The following PBX3 variants were observed in gnomAD, a reference collection of about 807,000 sequenced individuals.
PBX3 encodes the protein PBX homeobox 3, also known as pre-B-cell leukemia transcription factor 3.
In PBX3, 14 loss-of-function variants were observed where a neutral mutation model predicts 48.5. The ratio of observed to expected loss-of-function variants is 0.29; its 90% confidence interval spans 0.19 to 0.45. PBX3 has a LOEUF of 0.45. Ranked by LOEUF, PBX3 falls within the 20% of genes least tolerant of loss-of-function variation. PBX3 has a pLI of 1.00. For missense variants in PBX3, 386 were observed against 546.7 expected (o/e 0.71, Z 2.93); for synonymous variants, 210 against 200.3 (o/e 1.05, Z -0.41).
At chr9:125,786,983 G>T (rs915764526) in intron 2 of PBX3, among the ~76,000 whole-genome samples, 1 of 151,382 alleles carries the variant, frequency 6.6e-6, no homozygotes, top group Non-Finnish European at 1.5e-5. Flanking sequence ...CCTCGGCCTC[G>T]CAAAGTGCTG....
At chr9:125,897,487 C>G (rs1840802191) in intron 2 of PBX3, among the ~76,000 whole-genome samples, 1 of 151,694 alleles carries the variant, frequency 6.6e-6, no homozygotes, top group South Asian at 2.1e-4. Flanking sequence ...AAAATTATCA[C>G]TATTATCTCA....
intron 3 of PBX3, among the ~76,000 whole-genome samples, chr9:125,925,146 TC>T (rs1841544906): frequency 6.6e-6 from 1 of 152,232 alleles, no homozygotes; most frequent in Admixed American, 6.5e-5. Flanking sequence ...TCAAGGACAT[TC>T]CTAAGTCAAA....
intron 2 of PBX3, among the ~76,000 whole-genome samples, chr9:125,803,357 G>A (rs1838025889): frequency 6.6e-6 from 1 of 151,662 alleles, no homozygotes; most frequent in Non-Finnish European, 1.5e-5. Flanking sequence ...CAAAGTGCTG[G>A]GATTACAGGC....
chr9:125,827,400 G>T (rs1838838310), intron 2 of PBX3, among the ~76,000 whole-genome samples: 1 of 152,018 alleles, frequency 6.6e-6, no homozygotes, highest in African/African-American at 2.4e-5. Flanking sequence ...CATCCGTTCA[G>T]CTCACTAACT....
intron 2 of PBX3, among the ~76,000 whole-genome samples, chr9:125,888,736 CTG>C (rs1325461982): frequency 2.0e-5 from 3 of 151,984 alleles, no homozygotes; most frequent in Non-Finnish European, 4.4e-5. Context: ...ATTCTAGTAA[CTG>C]TTTATATTTG....
intron 2 of PBX3, among the ~76,000 whole-genome samples, chr9:125,769,857 A>G (rs117484755): frequency 0.015 from 2,303 of 152,310 alleles, 27 homozygotes; most frequent in South Asian, 0.038. Context: ...TATTCAGTTT[A>G]ATATTCTGAT....
intron 2 of PBX3, among the ~76,000 whole-genome samples, chr9:125,760,319 T>G (rs1023376507): frequency 6.6e-6 from 1 of 152,198 alleles, no homozygotes; most frequent in African/African-American, 2.4e-5. Context: ...TGCTTTTTAA[T>G]GATTTAACTC....
chr9:125,844,567 T>G (rs1008566259), intron 2 of PBX3: 2 of 152,092 alleles, frequency 1.3e-5, no homozygotes, highest in African/African-American at 4.8e-5. Context: ...TTTACATAGT[T>G]TTAAGCAGTA....
At chr9:125,936,485 A>G (rs1411354) in intron 5 of PBX3, among the ~76,000 whole-genome samples, 86,608 of 152,060 alleles carry the variant, frequency 0.57, 27,419 homozygotes, top group Middle Eastern at 0.73. Flanking sequence ...TTCAGTGTTC[A>G]CTAGGGGTCA....
At chr9:125,802,701 CAG>C (rs1837995041) in intron 2 of PBX3, among the ~76,000 whole-genome samples, 1 of 149,962 alleles carries the variant, frequency 6.7e-6, no homozygotes, top group East Asian at 2.0e-4. Flanking sequence ...TTTTTTGAGA[CAG>C]AGTCTCTCTC....
chr9:125,948,292 TTC>T (rs1842108672), intron 5 of PBX3, among the ~76,000 whole-genome samples: 1 of 152,206 alleles, frequency 6.6e-6, no homozygotes, highest in Non-Finnish European at 1.5e-5. Flanking sequence ...AGAATACACA[TTC>T]TAATTTTAAG....
chr9:125,851,330 C>T (rs1294251345), intron 2 of PBX3, among the ~76,000 whole-genome samples: 1 of 151,970 alleles, frequency 6.6e-6, no homozygotes, highest in Non-Finnish European at 1.5e-5. Context: ...TCTAAATCAA[C>T]ATTATATCTT....
At chr9:125,771,697 A>C (rs528845771) in intron 2 of PBX3, among the ~76,000 whole-genome samples, 9 of 152,310 alleles carry the variant, frequency 5.9e-5, no homozygotes, top group African/African-American at 1.9e-4. Flanking sequence ...AATATCTAGT[A>C]TAATGCCTGG....
At position 125,965,924 on chromosome 9, in the gene PBX3, T is replaced by C; in HGVS notation, c.*1T>C. The C allele has an allele frequency of 1.2e-6, 2 of 1,609,832 alleles. No homozygotes were observed. Among genetic ancestry groups the C allele is most frequent in the African/African-American group, 1.3e-5 (1 of 74,940 alleles). ...TGTGCACTCGGATACCTCTAACTAATCTCTGGCCACACTTTTCCCTGAGCT... is the reference window on the plus strand; with the variant it reads ...TGTGCACTCGGATACCTCTAACTAACCTCTGGCCACACTTTTCCCTGAGCT... On this transcript the variant is annotated 3_prime_UTR_variant, in exon 9 of 9. Transcript: ENST00000373489.
chr9:125,822,955 A>G (rs1470709377), intron 2 of PBX3, among the ~76,000 whole-genome samples: 1 of 150,092 alleles, frequency 6.7e-6, no homozygotes, highest in Non-Finnish European at 1.5e-5. Context: ...GGGGTTTTTT[A>G]GTTTTTTTGT....
At chr9:125,808,535 A>C (rs1838195641) in intron 2 of PBX3, among the ~76,000 whole-genome samples, 1 of 152,090 alleles carries the variant, frequency 6.6e-6, no homozygotes, top group Admixed American at 6.5e-5. Context: ...GTGTGGTGGC[A>C]TGCGTTGGTG....
intron 4 of PBX3, among the ~76,000 whole-genome samples, chr9:125,930,297 G>C (rs1841685120): frequency 1.3e-5 from 2 of 152,178 alleles, no homozygotes; most frequent in Non-Finnish European, 2.9e-5. Context: ...CAAAACTCCA[G>C]AATCTGTATT....
At chr9:125,787,300 T>C (rs1186681300) in intron 2 of PBX3, among the ~76,000 whole-genome samples, 1 of 152,040 alleles carries the variant, frequency 6.6e-6, no homozygotes, top group Non-Finnish European at 1.5e-5. Flanking sequence ...TGAGGGAAAG[T>C]GTACTGCATG....
chr9:125,825,249 A>G (rs2132171761), intron 2 of PBX3, among the ~76,000 whole-genome samples: 1 of 152,142 alleles, frequency 6.6e-6, no homozygotes, highest in Non-Finnish European at 1.5e-5. Flanking sequence ...GTGCTACTGC[A>G]CTCCAGACTG....
Sources: allele counts gnomAD v4.1 joint callset (sites outside exome capture counted in the v4.1 genomes callset), GRCh38; gene constraint gnomAD v4.1.1; transcripts MANE v1.5; gene names NCBI Gene and HGNC (gene_info 2026-07-23, HGNC 2026-07-21).